Variants in GNA12 observed in about 807,000 individuals in gnomAD.
The protein encoded by GNA12 is G protein subunit alpha 12.
GNA12 carries 9 observed loss-of-function variants against 26.0 expected under a neutral mutation model. The observed-to-expected ratio is 0.35, with a 90% CI of 0.21 to 0.60. The LOEUF (loss-of-function observed/expected upper bound fraction) is 0.60. Among genes scored for constraint, GNA12 ranks in the 20% least tolerant of loss-of-function variants. GNA12 has a pLI of 0.78. For missense variants in GNA12, 405 were observed against 525.8 expected (o/e 0.77, Z 2.25); for synonymous variants, 264 against 219.6 (o/e 1.20, Z -1.79).
chr7:2,802,142 T>C (rs1792823554), intron 1 of GNA12, among the ~76,000 whole-genome samples: 1 of 152,054 alleles, frequency 6.6e-6, no homozygotes. Flanking sequence ...GTCTCTTTAA[T>C]AGCTAAGAGA....
At chr7:2,787,417 G>A (rs182198172) in intron 2 of GNA12, among the ~76,000 whole-genome samples, 109 of 152,238 alleles carry the variant, frequency 7.2e-4, no homozygotes, top group African/African-American at 2.4e-3. Context: ...ACGAGCTGTC[G>A]CCTGTCACCC....
intron 1 of GNA12, among the ~76,000 whole-genome samples, chr7:2,840,869 A>G (rs1778970571): frequency 6.6e-6 from 1 of 152,200 alleles, no homozygotes. Context: ...ATAAAAATAA[A>G]AAAATAAAAT....
intron 1 of GNA12, among the ~76,000 whole-genome samples, chr7:2,795,447 A>G (rs558279015): frequency 1.3e-5 from 2 of 152,300 alleles, no homozygotes; most frequent in South Asian, 2.1e-4. Flanking sequence ...CCTGGGCAAC[A>G]GAGCAAGACC....
chr7:2,747,153 C>T (rs1414193144), intron 2 of GNA12, among the ~76,000 whole-genome samples: 1 of 152,156 alleles, frequency 6.6e-6, no homozygotes, highest in Non-Finnish European at 1.5e-5. Context: ...AGAGGGAATC[C>T]TCCCTAACTC....
chr7:2,840,229 T>A (rs916650116), intron 1 of GNA12, among the ~76,000 whole-genome samples: 4 of 152,220 alleles, frequency 2.6e-5, no homozygotes, highest in African/African-American at 4.8e-5. Flanking sequence ...TACAACTGCA[T>A]AGGACTCCAG....
intron 2 of GNA12, among the ~76,000 whole-genome samples, chr7:2,735,177 GC>G (rs1202554990): frequency 6.6e-5 from 10 of 152,154 alleles, no homozygotes; most frequent in Admixed American, 6.5e-4. Flanking sequence ...CTGCTCTCCT[GC>G]CCTCCCCTGG....
intron 2 of GNA12, among the ~76,000 whole-genome samples, chr7:2,755,255 G>A (rs748694672): frequency 3.3e-5 from 5 of 152,192 alleles, no homozygotes; most frequent in African/African-American, 4.8e-5. Context: ...GTGCCTTTCC[G>A]CATACATTTT....
At chr7:2,742,551 C>A (rs1790562779) in intron 2 of GNA12, among the ~76,000 whole-genome samples, 1 of 152,174 alleles carries the variant, frequency 6.6e-6, no homozygotes, top group Non-Finnish European at 1.5e-5. Context: ...TCATCTCTGT[C>A]CTCGCTTACT....
chr7:2,809,322 T>A (rs1418445523), intron 1 of GNA12, among the ~76,000 whole-genome samples: 4 of 152,210 alleles, frequency 2.6e-5, no homozygotes, highest in Non-Finnish European at 2.9e-5. Flanking sequence ...TCCTACCTCA[T>A]ACCTGCAGTG....
At chr7:2,825,414 T>C (rs1331231061) in intron 1 of GNA12, among the ~76,000 whole-genome samples, 1 of 150,502 alleles carries the variant, frequency 6.6e-6, no homozygotes, top group Admixed American at 6.7e-5. Context: ...GGACAGAAGC[T>C]TCCCAGCATG....
At chr7:2,757,209 C>T (rs952966624) in intron 2 of GNA12, among the ~76,000 whole-genome samples, 2 of 140,916 alleles carry the variant, frequency 1.4e-5, no homozygotes, top group Non-Finnish European at 3.0e-5. Context: ...GATCTTGGCT[C>T]ACTGCAAGCT....
At chr7:2,838,916 A>G (rs1053609945) in intron 1 of GNA12, among the ~76,000 whole-genome samples, 5 of 152,240 alleles carry the variant, frequency 3.3e-5, no homozygotes, top group African/African-American at 1.2e-4. Flanking sequence ...AGAGCTAAAG[A>G]AGAAATAGAC....
At chr7:2,806,457 C>CAAA (rs34036056) in intron 1 of GNA12, among the ~76,000 whole-genome samples, 1,044 of 80,552 alleles carry the variant, frequency 0.013, 31 homozygotes, top group African/African-American at 0.042. Context: ...GACTCTGTCT[C>CAAA]AAAAAAAAAA....
At chr7:2,833,610 T>A (rs1241054839) in intron 1 of GNA12, among the ~76,000 whole-genome samples, 1 of 152,218 alleles carries the variant, frequency 6.6e-6, no homozygotes, top group Non-Finnish European at 1.5e-5. Context: ...CTTAGTTAGC[T>A]GACGGAAAAA....
At chr7:2,737,277 T>TTA (rs1355722823) in intron 2 of GNA12, among the ~76,000 whole-genome samples, 1 of 67,616 alleles carries the variant, frequency 1.5e-5, no homozygotes, top group Non-Finnish European at 3.0e-5. Flanking sequence ...TTGTTTTGTT[T>TTA]TTTTTTTTTT....
At chr7:2,774,918 G>A (rs1293800202) in intron 2 of GNA12, among the ~76,000 whole-genome samples, 12 of 152,310 alleles carry the variant, frequency 7.9e-5, no homozygotes, top group Non-Finnish European at 1.8e-4. Flanking sequence ...GTCAAGATAT[G>A]AGAGTCAATA....
chr7:2,808,383 G>A (rs1246524202), intron 1 of GNA12, among the ~76,000 whole-genome samples: 1 of 152,238 alleles, frequency 6.6e-6, no homozygotes, highest in Non-Finnish European at 1.5e-5. Flanking sequence ...AGATCAGCAA[G>A]GGTGTGGGCC....
chr7:2,838,912 AAAG>A (rs1178819130), intron 1 of GNA12, among the ~76,000 whole-genome samples: 1 of 152,256 alleles, frequency 6.6e-6, no homozygotes, highest in East Asian at 1.9e-4. Flanking sequence ...TGATAGAGCT[AAAG>A]AAGAAATAGA....
chr7:2,794,667 G>T, intron 2 of GNA12: 1 of 495,304 alleles, frequency 2.0e-6, no homozygotes, highest in Non-Finnish European at 3.6e-6. Context: ...TTGTGCCAAT[G>T]CTGATGATTC....
Sources: gnomAD v4.1 joint callset for allele counts (sites outside exome capture counted in the v4.1 genomes callset) on GRCh38, gnomAD v4.1.1 for gene constraint, MANE v1.5 for transcripts, NCBI Gene and HGNC (gene_info 2026-07-23, HGNC 2026-07-21) for gene names.